Variants in ST6GAL2 observed in about 807,000 individuals in gnomAD.
ST6GAL2 encodes the protein beta-galactoside alpha-2,6-sialyltransferase 2.
Under a neutral mutation model 37.5 loss-of-function variants are expected in ST6GAL2, and 24 were observed. The observed-to-expected ratio is 0.64, with a 90% CI of 0.46 to 0.90. ST6GAL2 has a LOEUF of 0.90. Ranked by LOEUF, ST6GAL2 falls within the 40% of genes least tolerant of loss-of-function variation. The pLI, the probability that ST6GAL2 is intolerant of heterozygous loss-of-function variation, is 0.00. For missense variants in ST6GAL2, 715 were observed against 712.7 expected, an observed-to-expected ratio of 1.00 and a Z score of -0.04; for synonymous variants, 306 against 295.1, an observed-to-expected ratio of 1.04 and a Z score of -0.38.
intron 1 of ST6GAL2, among the ~76,000 whole-genome samples, chr2:106,844,518 C>T (rs998736532): frequency 6.6e-6 from 1 of 152,018 alleles, no homozygotes; most frequent in African/African-American, 2.4e-5. Context: ...CGCTGCTGTG[C>T]ACTTCTAAGG....
At chr2:106,817,508 C>T (rs4676090) in intron 5 of ST6GAL2, among the ~76,000 whole-genome samples, 1 of 152,178 alleles carries the variant, frequency 6.6e-6, no homozygotes, top group Non-Finnish European at 1.5e-5. Flanking sequence ...GGACTCAGTC[C>T]TGGCAGGATC....
At chr2:106,830,801 G>A (rs1470428658) in intron 4 of ST6GAL2, among the ~76,000 whole-genome samples, 1 of 152,062 alleles carries the variant, frequency 6.6e-6, no homozygotes, top group Non-Finnish European at 1.5e-5. Flanking sequence ...GTTGGGGCTG[G>A]GAAGATTAAC....
chr2:106,821,743 A>T (rs972629869), intron 5 of ST6GAL2, among the ~76,000 whole-genome samples: 1 of 152,144 alleles, frequency 6.6e-6, no homozygotes, highest in African/African-American at 2.4e-5. Context: ...TTTGATGAAT[A>T]TTGATTTTAA....
chr2:106,827,211 A>C (rs577656019), intron 5 of ST6GAL2, among the ~76,000 whole-genome samples: 3 of 152,342 alleles, frequency 2.0e-5, no homozygotes, highest in African/African-American at 7.2e-5. Flanking sequence ...AAAACCAGTC[A>C]TTGATTTTTA....
At chr2:106,814,373 A>G (rs1356276524) in intron 5 of ST6GAL2, among the ~76,000 whole-genome samples, 1 of 152,090 alleles carries the variant, frequency 6.6e-6, no homozygotes, top group African/African-American at 2.4e-5. Flanking sequence ...GAAAGAAGTT[A>G]TGATGTGTTT....
At chr2:106,850,244 G>A (rs1573274478) in intron 1 of ST6GAL2, among the ~76,000 whole-genome samples, 1 of 152,180 alleles carries the variant, frequency 6.6e-6, no homozygotes, top group African/African-American at 2.4e-5. Flanking sequence ...AAGAGAAGAA[G>A]CACCTGGCAG....
At chr2:106,852,883 C>T (rs573423810) in intron 1 of ST6GAL2, among the ~76,000 whole-genome samples, 2 of 152,326 alleles carry the variant, frequency 1.3e-5, no homozygotes, top group South Asian at 4.1e-4. Flanking sequence ...GTGCTGGGCA[C>T]TGTATCTAGC....
intron 1 of ST6GAL2, among the ~76,000 whole-genome samples, chr2:106,873,535 A>C (rs956961955): frequency 2.0e-5 from 3 of 152,250 alleles, no homozygotes; most frequent in Non-Finnish European, 4.4e-5. Flanking sequence ...TATGAATCCA[A>C]GACAAAGTGC....
intron 5 of ST6GAL2, among the ~76,000 whole-genome samples, chr2:106,824,023 C>A (rs1676108529): frequency 6.6e-6 from 1 of 152,188 alleles, no homozygotes. Flanking sequence ...TTCAAGTCGA[C>A]CACACCAAAT....
intron 2 of ST6GAL2, among the ~76,000 whole-genome samples, chr2:106,837,290 C>A (rs76994586): frequency 1.3e-5 from 2 of 152,056 alleles, no homozygotes; most frequent in African/African-American, 2.4e-5. Context: ...CCCCATGTGC[C>A]CCACTGAATC....
chr2:106,880,335 A>C (rs538104775), intron 1 of ST6GAL2, among the ~76,000 whole-genome samples: 1 of 152,196 alleles, frequency 6.6e-6, no homozygotes, highest in African/African-American at 2.4e-5. Flanking sequence ...GGCTGACCTA[A>C]AACATCTCAA....
chr2:106,849,117 G>T (rs965984344), intron 1 of ST6GAL2, among the ~76,000 whole-genome samples: 3 of 152,150 alleles, frequency 2.0e-5, no homozygotes, highest in Admixed American at 6.6e-5. Context: ...GCTTTCCCAG[G>T]TGGCCAGCCT....
intron 1 of ST6GAL2, among the ~76,000 whole-genome samples, chr2:106,874,888 C>T (rs1678435073): frequency 6.6e-6 from 1 of 152,210 alleles, no homozygotes; most frequent in African/African-American, 2.4e-5. Flanking sequence ...AGGCAGCTTC[C>T]TCTTCAGGAA....
chr2:106,830,491 G>C (rs1351353796), intron 4 of ST6GAL2, among the ~76,000 whole-genome samples: 2 of 152,182 alleles, frequency 1.3e-5, no homozygotes, highest in Non-Finnish European at 2.9e-5. Flanking sequence ...ACTAGATCAC[G>C]GATCAGCATA....
chr2:106,853,826 C>T (rs1187871753), intron 1 of ST6GAL2, among the ~76,000 whole-genome samples: 3 of 152,180 alleles, frequency 2.0e-5, no homozygotes, highest in Non-Finnish European at 2.9e-5. Context: ...TGATTCCAGA[C>T]GTCTATCAGT....
intron 5 of ST6GAL2, among the ~76,000 whole-genome samples, chr2:106,817,985 G>A (rs1237682885): frequency 6.6e-6 from 1 of 152,164 alleles, no homozygotes; most frequent in East Asian, 1.9e-4. Context: ...ACACCCCTCT[G>A]CTGTGAAAAG....
intron 1 of ST6GAL2, among the ~76,000 whole-genome samples, chr2:106,867,019 G>A (rs73949797): frequency 6.6e-6 from 1 of 152,194 alleles, no homozygotes; most frequent in African/African-American, 2.4e-5. Context: ...TTCTTTACTT[G>A]GAACATTAAA....
At chr2:106,813,895 TTA>T (rs1675701990) in intron 5 of ST6GAL2, among the ~76,000 whole-genome samples, 1 of 152,214 alleles carries the variant, frequency 6.6e-6, no homozygotes, top group Admixed American at 6.5e-5. Flanking sequence ...GCTAAGTGTA[TTA>T]AATATGCCAG....
intron 5 of ST6GAL2, chr2:106,823,106 A>G (rs192961017): frequency 2.2e-4 from 33 of 152,218 alleles, no homozygotes; most frequent in Non-Finnish European, 3.8e-4. Flanking sequence ...TCAAATTTTG[A>G]AACTTATTGT....
Sources: allele counts gnomAD v4.1 joint callset (sites outside exome capture counted in the v4.1 genomes callset), GRCh38; gene constraint gnomAD v4.1.1; transcripts MANE v1.5; gene names NCBI Gene and HGNC (gene_info 2026-07-23, HGNC 2026-07-21).